Variants in PCDHGA1 observed in about 807,000 individuals in gnomAD.
The protein encoded by PCDHGA1 is protocadherin gamma-A1.
A neutral mutation model predicts 58.0 loss-of-function variants in PCDHGA1; 32 were observed. The observed-to-expected ratio is 0.55, with a 90% CI of 0.42 to 0.74. The LOEUF is 0.74. PCDHGA1 is among the 30% of genes least tolerant of loss of function. The probability of loss-of-function intolerance (pLI) is 0.00; values close to 1 mark genes in which losing one functional copy is unlikely to be tolerated. For missense variants in PCDHGA1, 1,205 were observed against 1,182.3 expected (o/e 1.02, Z -0.28); for synonymous variants, 498 against 501.1 (o/e 0.99, Z 0.08).
At chr5:141,364,226 C>T in intron 1 of PCDHGA1, 5 of 1,375,088 alleles carry the variant, frequency 3.6e-6, no homozygotes, top group Non-Finnish European at 4.9e-6. Context: ...AAAGCCAACG[C>T]TCCACGCCCA....
chr5:141,376,310 G>A (rs1211342702), intron 1 of PCDHGA1: 5 of 1,613,822 alleles, frequency 3.1e-6, no homozygotes, highest in East Asian at 2.2e-5. Flanking sequence ...CTTTGTGGGC[G>A]TGGAAGGGGT....
At chr5:141,448,480 C>A (rs889742803) in intron 1 of PCDHGA1, among the ~76,000 whole-genome samples, 1 of 152,184 alleles carries the variant, frequency 6.6e-6, no homozygotes, top group Admixed American at 6.6e-5. Flanking sequence ...ACCCTTGCTT[C>A]CTCCTGTCCC....
intron 2 of PCDHGA1, among the ~76,000 whole-genome samples, chr5:141,503,398 C>A (rs1374324008): frequency 6.6e-6 from 1 of 151,784 alleles, no homozygotes; most frequent in African/African-American, 2.4e-5. Flanking sequence ...AGTTCGAAAC[C>A]AACCTGGCCA....
chr5:141,360,607 CT>C, intron 1 of PCDHGA1: 1 of 1,614,018 alleles, frequency 6.2e-7, no homozygotes, highest in Middle Eastern at 1.7e-4. Flanking sequence ...TGACCCAGCC[CT>C]GGATTCAGAT....
intron 1 of PCDHGA1, chr5:141,423,709 C>G (rs2096768343): frequency 8.7e-7 from 1 of 1,147,590 alleles, no homozygotes; most frequent in African/African-American, 1.9e-5. Context: ...TGGCACAAGT[C>G]TTTTAAGGAG....
Position 141,491,916 on chromosome 5 carries a change from G to T in PCDHGA1, c.2422-2891G>T. ...GAGCACCGGGGGTGGTGGCGACTGT[G>T]GGCGAGGGGAGGTGGGACCGACCCC... On this transcript the variant is annotated intron_variant, in intron 1 of 3. Transcript: ENST00000517417. The surrounding 1 kb of genome is among the most constrained non-coding windows in gnomAD (Gnocchi z 6.9). 2 of 1,386,662 alleles carry T rather than the reference G, an allele frequency of 1.4e-6. No homozygotes were observed. Among genetic ancestry groups the T allele is most frequent in the African/African-American group, 1.5e-5 (1 of 68,510 alleles). The allele number at this position is 1,386,662 out of a possible 1,614,324, so 85.9% of individuals were successfully genotyped here.
chr5:141,481,913 CAAAAAA>C (rs34114744), intron 1 of PCDHGA1, among the ~76,000 whole-genome samples: 1 of 90,850 alleles, frequency 1.1e-5, no homozygotes. Flanking sequence ...AACTCCATCT[CAAAAAA>C]AAAAAAAAAA....
intron 1 of PCDHGA1, chr5:141,362,273 T>C: frequency 6.2e-7 from 1 of 1,614,072 alleles, no homozygotes; most frequent in African/African-American, 1.3e-5. Flanking sequence ...GCAATCTCCC[T>C]GCGCCTGCGA....
intron 1 of PCDHGA1, chr5:141,393,430 C>A: frequency 6.2e-7 from 1 of 1,614,040 alleles, no homozygotes. Flanking sequence ...GAGGAAGAGG[C>A]TGCTCACCAC....
chr5:141,392,628 A>C (rs2092566593), intron 1 of PCDHGA1: 2 of 588,334 alleles, frequency 3.4e-6, no homozygotes, highest in South Asian at 5.4e-5. Flanking sequence ...AAACACTCAG[A>C]TCTCACACCT....
At chr5:141,435,925 A>G (rs978837252) in intron 1 of PCDHGA1, among the ~76,000 whole-genome samples, 16 of 152,166 alleles carry the variant, frequency 1.1e-4, no homozygotes, top group Non-Finnish European at 1.5e-5. Context: ...AAAATGCGGC[A>G]GTTGCTGCTT....
At chr5:141,478,020 A>G (rs1315422039) in intron 1 of PCDHGA1, 2 of 1,613,976 alleles carry the variant, frequency 1.2e-6, no homozygotes, top group Non-Finnish European at 1.7e-6. Flanking sequence ...CGTCCAGTCC[A>G]AGACACAGAT....
At chr5:141,496,639 C>T (rs752903356) in intron 2 of PCDHGA1, among the ~76,000 whole-genome samples, 1 of 152,222 alleles carries the variant, frequency 6.6e-6, no homozygotes, top group Non-Finnish European at 1.5e-5. Context: ...TTGGGCTGCC[C>T]TTGCCCTTCC....
rs13178808 is a variant in PCDHGA1 at position 141,491,920 on chromosome 5, G to A, written c.2422-2887G>A. 1.2e-4 allele frequency: 164 copies of A among 1,356,270 alleles called. No individual in the cohort carries two copies. Among genetic ancestry groups the A allele is most frequent in the Non-Finnish European group, 1.5e-4 (155 of 1,015,194 alleles). The allele number at this position is 1,356,270 out of a possible 1,614,324, so 84.0% of individuals were successfully genotyped here. On this transcript the variant is annotated intron_variant, in intron 1 of 3. Transcript: ENST00000517417. This position sits in a 1 kb window ranked among gnomAD's most constrained non-coding sequence, Gnocchi z 6.9. ...ACCGGGGGTGGTGGCGACTGTGGGC[G>A]AGGGGAGGTGGGACCGACCCCCACC...
intron 1 of PCDHGA1, among the ~76,000 whole-genome samples, chr5:141,425,820 C>T (rs978139996): frequency 6.6e-6 from 1 of 152,156 alleles, no homozygotes; most frequent in Admixed American, 6.5e-5. Flanking sequence ...TAGAAAAAAA[C>T]AAACTTTTAA....
Position 141,382,943 on chromosome 5 carries a change from T to C in PCDHGA1, c.2421+49838T>C, listed in dbSNP as rs766692143. On this transcript the variant is annotated intron_variant, in intron 1 of 3. Coordinates refer to ENST00000517417, the MANE Select transcript of PCDHGA1 (RefSeq NM_018912.3). The stretch of plus-strand genomic sequence containing the variant: ...GGCGGGGACTACAGAGGATTCTTCC[T>C]GCTCTCCATCCTCCTGGGGACCCCC... 2.6e-5 allele frequency: 42 copies of C among 1,596,066 alleles called. No individual in the cohort carries two copies. Among genetic ancestry groups the C allele is most frequent in the Non-Finnish European group, 3.5e-5 (41 of 1,169,148 alleles).
Position 141,330,996 on chromosome 5 carries a change from G to T in PCDHGA1, c.312G>T (p.Val104=). The T allele has an allele frequency of 6.2e-7, 1 of 1,614,208 alleles. No homozygotes were observed. The highest frequency in any genetic ancestry group is 8.5e-7 in the Non-Finnish European group (1 of 1,180,050). The change falls in exon 1 of 4, where the codon GTG becomes GTT. Residue 104 remains valine (V), a synonymous_variant. Coordinates refer to ENST00000517417, the MANE Select transcript of PCDHGA1 (RefSeq NM_018912.3). The part of the protein sequence containing the change: ...ELCAQSMPCL[V]SFNILVEDKM... The stretch of plus-strand genomic sequence containing the variant: ...GCGCTCAGAGCATGCCGTGTCTCGT[G>T]AGTTTTAATATCCTTGTTGAGGATA...
At chr5:141,371,461 T>C (rs1314971655) in intron 1 of PCDHGA1, 4 of 1,613,960 alleles carry the variant, frequency 2.5e-6, no homozygotes, top group Middle Eastern at 1.6e-4. Flanking sequence ...TCCCAACATA[T>C]ACAAGAAGAT....
chr5:141,339,794 G>A (rs1756878614), intron 1 of PCDHGA1: 2 of 1,614,182 alleles, frequency 1.2e-6, no homozygotes, highest in Non-Finnish European at 1.7e-6. Context: ...GGGCTACTAC[G>A]CTCAAGTGGT....
Sources: gnomAD v4.1 joint callset for allele counts (sites outside exome capture counted in the v4.1 genomes callset) on GRCh38, gnomAD v4.1.1 for gene constraint, Gnocchi (gnomAD v3.1) non-coding constraint, MANE v1.5 for transcripts, NCBI Gene and HGNC (gene_info 2026-07-23, HGNC 2026-07-21) for gene names.